The following PPP4R4 variants were observed in gnomAD, a reference collection of about 807,000 sequenced individuals.
PPP4R4 encodes the protein serine/threonine-protein phosphatase 4 regulatory subunit 4.
PPP4R4 carries 70 observed loss-of-function variants against 121.8 expected under a neutral mutation model. The observed-to-expected ratio is 0.57, with a 90% CI of 0.47 to 0.70. The LOEUF (loss-of-function observed/expected upper bound fraction) is 0.70. Among genes scored for constraint, PPP4R4 ranks in the 30% least tolerant of loss-of-function variants. The pLI is 0.00. For synonymous variants in PPP4R4, 348 were observed against 355.7 expected (o/e 0.98, Z 0.24); for missense variants, 875 against 1,033.6 (o/e 0.85, Z 2.10).
intron 3 of PPP4R4, among the ~76,000 whole-genome samples, chr14:94,230,083 T>C (rs1891930394): frequency 6.6e-6 from 1 of 152,234 alleles, no homozygotes; most frequent in Non-Finnish European, 1.5e-5. Flanking sequence ...TCATGGTAAT[T>C]TGTGTTCTCT....
Position 94,176,194 on chromosome 14 carries a change from T to G in PPP4R4, c.191+67T>G. On this transcript the variant is annotated intron_variant, in intron 2 of 24. Coordinates refer to ENST00000304338, the MANE Select transcript of PPP4R4 (RefSeq NM_058237.2). ...CTGTGCAGCAGAGATGAATGCTTTC[T>G]AAAATGTATGTTCGCGTTATGTTCA... 3.1e-6 allele frequency: 4 copies of G among 1,307,542 alleles called. No individual in the cohort carries two copies. In the South Asian group the frequency reaches 4.7e-5, roughly 15 times the overall value. The allele number at this position is 1,307,542 out of a possible 1,614,324, so 81.0% of individuals were successfully genotyped here.
intron 2 of PPP4R4, among the ~76,000 whole-genome samples, chr14:94,183,020 A>G (rs545074318): frequency 1.3e-5 from 2 of 152,198 alleles, no homozygotes; most frequent in South Asian, 4.2e-4. Context: ...TCTGTGCATG[A>G]CTTACACCAT....
Position 94,230,613 on chromosome 14 carries a change from A to G in PPP4R4, c.321A>G (p.Glu107=), listed in dbSNP as rs1891968127. ...AAGCCCTGCATGTTGCAGGAGTGGA[A>G]ATGCAGTTAACGGCTGCGATGTCAT... ...VREALHVAGV[E]MQLTAAMSFL... Residue 107 remains glutamate (E), a synonymous_variant, in exon 4 of 25, where the codon GAA becomes GAG. Coordinates refer to ENST00000304338, the MANE Select transcript of PPP4R4 (RefSeq NM_058237.2). 2 of 1,613,028 alleles carry G rather than the reference A, an allele frequency of 1.2e-6. No homozygotes were observed. Among genetic ancestry groups the G allele is most frequent in the South Asian group, 2.2e-5 (2 of 91,052 alleles).
intron 16 of PPP4R4, among the ~76,000 whole-genome samples, chr14:94,255,616 T>A (rs1358206367): frequency 6.7e-6 from 1 of 148,440 alleles, no homozygotes; most frequent in African/African-American, 2.5e-5. Context: ...AAAAAAAAAA[T>A]GGTATTCAGA....
chr14:94,234,708 A>G, intron 7 of PPP4R4, 39 bp downstream of exon 7: 1 of 1,377,936 alleles, frequency 7.3e-7, no homozygotes, highest in Non-Finnish European at 1.0e-6. Flanking sequence ...TTTCCATGAA[A>G]ACATGCCATT....
intron 14 of PPP4R4, among the ~76,000 whole-genome samples, chr14:94,249,474 A>G (rs1229238993): frequency 6.6e-6 from 1 of 152,078 alleles, no homozygotes; most frequent in Non-Finnish European, 1.5e-5. Context: ...TTATATTTGT[A>G]TGTAAATCAA....
intron 23 of PPP4R4, among the ~76,000 whole-genome samples, chr14:94,273,658 G>A (rs954762626): frequency 1.2e-4 from 18 of 152,106 alleles, no homozygotes; most frequent in African/African-American, 4.3e-4. Context: ...TGCAACAAAT[G>A]TACCACTGGT....
At chr14:94,182,245 G>C (rs1396696441) in intron 2 of PPP4R4, among the ~76,000 whole-genome samples, 4 of 152,166 alleles carry the variant, frequency 2.6e-5, no homozygotes, top group African/African-American at 4.8e-5. Flanking sequence ...AGTTAAAGAA[G>C]TACTTTCATA....
chr14:94,179,686 C>A (rs1888871535), intron 2 of PPP4R4, among the ~76,000 whole-genome samples: 1 of 152,206 alleles, frequency 6.6e-6, no homozygotes, highest in South Asian at 2.1e-4. Context: ...ACTGCTTAAA[C>A]CACATGGATC....
intron 23 of PPP4R4, among the ~76,000 whole-genome samples, chr14:94,267,354 A>C (rs1265960976): frequency 6.6e-6 from 1 of 152,222 alleles, no homozygotes; most frequent in Non-Finnish European, 1.5e-5. Context: ...GTTAAAAACA[A>C]CAGGACTTCA....
chr14:94,272,951 A>G (rs1894417983), intron 23 of PPP4R4, among the ~76,000 whole-genome samples: 1 of 152,190 alleles, frequency 6.6e-6, no homozygotes, highest in East Asian at 1.9e-4. Context: ...GCCCCATGAC[A>G]CACCTATTAG....
intron 1 of PPP4R4, among the ~76,000 whole-genome samples, chr14:94,175,122 C>T (rs1267108652): frequency 1.3e-5 from 2 of 151,970 alleles, no homozygotes; most frequent in Non-Finnish European, 2.9e-5. Context: ...ACTCCTCCCC[C>T]CACCTCTCCC....
intron 3 of PPP4R4, among the ~76,000 whole-genome samples, chr14:94,213,609 T>A (rs114730132): frequency 0.011 from 1,683 of 152,322 alleles, 34 homozygotes; most frequent in African/African-American, 0.038. Context: ...CATGTGTCCT[T>A]ATAAGAAGGC....
At position 94,174,482 on chromosome 14, in the gene PPP4R4, C is replaced by T. The variant is rs1373275140; in HGVS notation, c.17C>T (p.Pro6Leu). The T allele has an allele frequency of 6.2e-7, 1 of 1,605,606 alleles. No individual in the cohort carries two copies. Among genetic ancestry groups the T allele is most frequent in the Non-Finnish European group, 8.5e-7 (1 of 1,176,810 alleles). Residue 6 changes from proline to leucine, a missense_variant, in exon 1 of 25, where the codon CCC (proline) becomes CTC (leucine). Pro to Leu is a moderately conservative substitution (Grantham distance 98). Coordinates refer to ENST00000304338, the MANE Select transcript of PPP4R4 (RefSeq NM_058237.2). MHPPP[P>L]AAAMDFSQNS... Reference sequence around the variant, plus strand: ...CGGCGGTCCATGCATCCGCCGCCGCCCGCCGCCGCGATGGATTTCAGTCAG... The same window carrying T: ...CGGCGGTCCATGCATCCGCCGCCGCTCGCCGCCGCGATGGATTTCAGTCAG...
At chr14:94,233,514 A>G (rs1390428759) in intron 5 of PPP4R4, 139 bp from the exon 6 acceptor site, 1 of 592,374 alleles carries the variant, frequency 1.7e-6, no homozygotes, top group African/African-American at 1.9e-5. Flanking sequence ...AATCCAAGTT[A>G]TTGAGTCATG....
At chr14:94,197,396 T>C (rs1323949585) in intron 2 of PPP4R4, among the ~76,000 whole-genome samples, 2 of 142,696 alleles carry the variant, frequency 1.4e-5, no homozygotes, top group Admixed American at 6.8e-5. Flanking sequence ...TTATGCATGG[T>C]TTATTTTATT....
intron 23 of PPP4R4, among the ~76,000 whole-genome samples, chr14:94,273,775 G>A (rs1259439186): frequency 6.6e-6 from 1 of 152,024 alleles, no homozygotes; most frequent in East Asian, 1.9e-4. Context: ...AAAAAATAGA[G>A]TCTACTTAAA....
At chr14:94,201,488 T>C (rs958420946) in intron 2 of PPP4R4, among the ~76,000 whole-genome samples, 1 of 152,180 alleles carries the variant, frequency 6.6e-6, no homozygotes, top group African/African-American at 2.4e-5. Flanking sequence ...TTTATAAATT[T>C]GGGAGCTCCA....
At chr14:94,266,565 CT>C (rs754505031) in intron 22 of PPP4R4, among the ~76,000 whole-genome samples, 2 of 152,016 alleles carry the variant, frequency 1.3e-5, no homozygotes, top group Non-Finnish European at 2.9e-5. Context: ...TTAAAGATAG[CT>C]TCTTACAGAA....
Sources: gnomAD v4.1 joint callset for allele counts (sites outside exome capture counted in the v4.1 genomes callset) on GRCh38, gnomAD v4.1.1 for gene constraint, MANE v1.5 for transcripts, NCBI Gene and HGNC (gene_info 2026-07-23, HGNC 2026-07-21) for gene names.